Variants in ANTXR2 observed in about 807,000 individuals in gnomAD.
ANTXR2 encodes ANTXR cell adhesion molecule 2, also known as anthrax toxin receptor 2.
In ANTXR2, 44 loss-of-function variants were observed where a neutral mutation model predicts 73.7. The ratio of observed to expected loss-of-function variants is 0.60; its 90% CI spans 0.47 to 0.77. The LOEUF is 0.77. Ranked by LOEUF, ANTXR2 falls within the 30% of genes least tolerant of loss-of-function variation. The pLI, the probability that ANTXR2 is intolerant of heterozygous loss-of-function variation, is 0.00. For synonymous variants in ANTXR2, 217 were observed against 205.9 expected (o/e 1.05, Z -0.46); for missense variants, 604 against 592.5 (o/e 1.02, Z -0.20).
intron 7 of ANTXR2, among the ~76,000 whole-genome samples, chr4:80,039,640 G>T (rs1223420833): frequency 2.0e-5 from 3 of 152,084 alleles, no homozygotes; most frequent in Admixed American, 2.0e-4. Context: ...ACCAACAAAT[G>T]CTGGTGAGGT....
At chr4:79,954,515 T>C (rs1728819460) in intron 16 of ANTXR2, among the ~76,000 whole-genome samples, 1 of 151,986 alleles carries the variant, frequency 6.6e-6, no homozygotes, top group Admixed American at 6.6e-5. Flanking sequence ...GAGGCTAAAG[T>C]AGGAGGATCA....
At chr4:80,019,441 T>C (rs1334551368) in intron 10 of ANTXR2, among the ~76,000 whole-genome samples, 1 of 152,232 alleles carries the variant, frequency 6.6e-6, no homozygotes, top group East Asian at 1.9e-4. Flanking sequence ...AGTTCTAGTC[T>C]TTACTTATTA....
Position 80,072,653 on chromosome 4 carries a change from TG to T in ANTXR2, c.-94del. On this transcript the variant is annotated 5_prime_UTR_variant, in exon 1 of 17. Transcript: ENST00000403729. The stretch of plus-strand genomic sequence containing the variant: ...GGCGGGAGTCACCCGGCACGCACTC[TG>T]GGGTGGGGGGCGGCGAGCAGCTGAG... 2.2e-6 allele frequency: 3 copies of T among 1,341,754 alleles called. No homozygotes were observed. The highest frequency in any genetic ancestry group is 3.1e-5 in the East Asian group (1 of 32,230). The allele number at this position is 1,341,754 out of a possible 1,614,324, so 83.1% of individuals were successfully genotyped here.
intron 12 of ANTXR2, among the ~76,000 whole-genome samples, chr4:80,007,346 T>C (rs1023469839): frequency 1.3e-5 from 2 of 152,114 alleles, no homozygotes; most frequent in African/African-American, 4.8e-5. Flanking sequence ...AAAAGGAATA[T>C]TCTCAAAATA....
At chr4:80,069,388 A>C in intron 3 of ANTXR2, 48 bp downstream of exon 3, 1 of 1,429,438 alleles carries the variant, frequency 7.0e-7, no homozygotes, top group Non-Finnish European at 9.7e-7. Context: ...TCATGCCTTT[A>C]AAATTCATCT....
intron 12 of ANTXR2, among the ~76,000 whole-genome samples, chr4:79,987,842 A>C (rs35068441): frequency 7.9e-5 from 12 of 152,242 alleles, no homozygotes; most frequent in African/African-American, 2.9e-4. Context: ...AGAAACTTCA[A>C]CCAAGAATTT....
intron 10 of ANTXR2, among the ~76,000 whole-genome samples, chr4:80,027,761 C>A (rs1732508115): frequency 6.6e-6 from 1 of 152,030 alleles, no homozygotes; most frequent in African/African-American, 2.4e-5. Flanking sequence ...TTCTTCTTGC[C>A]AAATTACAGG....
chr4:79,933,187 A>G (rs1728126763), intron 16 of ANTXR2, among the ~76,000 whole-genome samples: 1 of 152,210 alleles, frequency 6.6e-6, no homozygotes, highest in African/African-American at 2.4e-5. Context: ...CATGAAAACT[A>G]CATAATATAA....
intron 7 of ANTXR2, among the ~76,000 whole-genome samples, chr4:80,052,122 T>C (rs1220016448): frequency 1.3e-5 from 2 of 151,686 alleles, no homozygotes; most frequent in Non-Finnish European, 3.0e-5. Context: ...TAAAATTTTT[T>C]ATTTCTTCTA....
chr4:79,983,475 C>T (rs1017064719), intron 14 of ANTXR2, among the ~76,000 whole-genome samples: 6 of 152,068 alleles, frequency 3.9e-5, no homozygotes, highest in East Asian at 1.9e-4. Context: ...GTCAGATCCA[C>T]GCTATTGAAT....
At chr4:79,996,029 A>C (rs1456186327) in intron 12 of ANTXR2, among the ~76,000 whole-genome samples, 3 of 151,970 alleles carry the variant, frequency 2.0e-5, no homozygotes, top group African/African-American at 7.2e-5. Flanking sequence ...TTATTTTCAT[A>C]ATAACTCTGT....
intron 12 of ANTXR2, among the ~76,000 whole-genome samples, 166 bp downstream of exon 12, chr4:80,008,355 C>T (rs1283867874): frequency 2.6e-5 from 4 of 152,140 alleles, no homozygotes; most frequent in Non-Finnish European, 5.9e-5. Context: ...TAAATATTTA[C>T]TGACCTGCAT....
At chr4:80,022,270 C>G (rs1157704707) in intron 10 of ANTXR2, among the ~76,000 whole-genome samples, 1 of 152,064 alleles carries the variant, frequency 6.6e-6, no homozygotes, top group African/African-American at 2.4e-5. Flanking sequence ...AATATATTTA[C>G]TTGTGAATAT....
intron 16 of ANTXR2, among the ~76,000 whole-genome samples, chr4:79,919,904 TATATATATATATATATAAAAA>T (rs1727520462): frequency 1.1e-4 from 2 of 17,518 alleles, no homozygotes; most frequent in South Asian, 1.4e-3. Context: ...TATATATATA[TATATATATATATATATAAAAA>T]ATGATAGGGC....
At chr4:80,009,256 T>C (rs1731453110) in intron 11 of ANTXR2, among the ~76,000 whole-genome samples, 1 of 152,114 alleles carries the variant, frequency 6.6e-6, no homozygotes, top group Non-Finnish European at 1.5e-5. Context: ...AGGCACCTAC[T>C]CTGGGCGCTG....
At chr4:79,927,743 C>T (rs1362558301) in intron 16 of ANTXR2, among the ~76,000 whole-genome samples, 1 of 152,038 alleles carries the variant, frequency 6.6e-6, no homozygotes, top group Admixed American at 6.6e-5. Flanking sequence ...TTTAAAAATG[C>T]ATATGACCTG....
chr4:80,066,728 T>C (rs1029175662), intron 3 of ANTXR2, among the ~76,000 whole-genome samples: 3 of 136,538 alleles, frequency 2.2e-5, no homozygotes, highest in Non-Finnish European at 4.8e-5. Context: ...GGGTAGGTAT[T>C]ACTATCATCA....
chr4:80,043,092 A>C (rs1733352399), intron 7 of ANTXR2, among the ~76,000 whole-genome samples: 1 of 151,988 alleles, frequency 6.6e-6, no homozygotes, highest in Admixed American at 6.6e-5. Flanking sequence ...GGAGGATGAA[A>C]AATTACTTAG....
At chr4:80,005,555 C>T (rs1731264099) in intron 12 of ANTXR2, among the ~76,000 whole-genome samples, 1 of 151,794 alleles carries the variant, frequency 6.6e-6, no homozygotes, top group Non-Finnish European at 1.5e-5. Context: ...ATTATAATAC[C>T]CTCTGAAAAC....
Sources: gnomAD v4.1 joint callset for allele counts (sites outside exome capture counted in the v4.1 genomes callset) on GRCh38, gnomAD v4.1.1 for gene constraint, MANE v1.5 for transcripts, NCBI Gene and HGNC (gene_info 2026-07-23, HGNC 2026-07-21) for gene names.